SDK1: variants seen among roughly 807,000 people sequenced by gnomAD.
SDK1 encodes the protein protein sidekick-1.
A neutral mutation model predicts 245.5 loss-of-function variants in SDK1; 157 were observed. The observed-to-expected ratio is 0.64, with a 90% CI of 0.56 to 0.73. The LOEUF (loss-of-function observed/expected upper bound fraction) is 0.73, where lower values mean the gene tolerates loss of function less well. SDK1 is among the 30% of genes least tolerant of loss of function. The pLI is 0.00. For synonymous variants in SDK1, 1,647 were observed against 1,278.5 expected, an observed-to-expected ratio of 1.29 and a Z score of -6.15; for missense variants, 3,583 against 3,002.3, an observed-to-expected ratio of 1.19 and a Z score of -4.52.
chr7:4,260,366 C>T (rs1205595274), intron 44 of SDK1, among the ~76,000 whole-genome samples: 1 of 134,448 alleles, frequency 7.4e-6, no homozygotes, highest in Non-Finnish European at 1.6e-5. Flanking sequence ...ATGTGTTCAT[C>T]GTCACCTGAT....
rs1780658796 is a variant in SDK1, at chr7:3,585,556, C to A, written c.299-33524C>A. 1.3e-5 allele frequency among the ~76,000 whole-genome samples: 2 copies of A among 152,040 alleles called. 1 individual carries two copies. Among genetic ancestry groups the A allele is most frequent in the South Asian group, 4.2e-4 (2 of 4,816 alleles). ...GTGCCAGGGCACAAAGCTGCAAGAG[C>A]CCTGAAGAGGAAGAGGAAGAGGGTC... is the stretch of plus-strand genomic sequence containing the variant. On this transcript the variant is annotated intron_variant, in intron 1 of 44. Transcript: ENST00000404826.
intron 1 of SDK1, among the ~76,000 whole-genome samples, chr7:3,459,686 T>C (rs1780776679): frequency 6.6e-6 from 1 of 152,190 alleles, no homozygotes; most frequent in African/African-American, 2.4e-5. Flanking sequence ...CGCATATTGT[T>C]GGGAAGACCT....
intron 1 of SDK1, among the ~76,000 whole-genome samples, chr7:3,603,282 A>G (rs1486778868): frequency 3.4e-5 from 5 of 146,286 alleles, no homozygotes; most frequent in African/African-American, 1.3e-4. Flanking sequence ...CAGTATGGCC[A>G]TTTTCACGAT....
intron 11 of SDK1, among the ~76,000 whole-genome samples, chr7:3,970,088 G>C (rs1004353717): frequency 4.6e-5 from 7 of 152,154 alleles, no homozygotes; most frequent in Non-Finnish European, 7.3e-5. Flanking sequence ...AACTTCAATT[G>C]CCAATACACT....
intron 35 of SDK1, among the ~76,000 whole-genome samples, chr7:4,193,794 G>T (rs1339795563): frequency 6.6e-6 from 1 of 152,148 alleles, no homozygotes; most frequent in East Asian, 1.9e-4. Flanking sequence ...CTGGGAGACA[G>T]AATCCCTGAG....
chr7:4,122,525 G>C (rs1784134544), intron 25 of SDK1, among the ~76,000 whole-genome samples: 1 of 152,206 alleles, frequency 6.6e-6, no homozygotes, highest in South Asian at 2.1e-4. Flanking sequence ...ACACACAGCA[G>C]AATGCTCGGA....
intron 40 of SDK1, among the ~76,000 whole-genome samples, chr7:4,226,021 A>C (rs1785425198): frequency 6.6e-6 from 1 of 152,166 alleles, no homozygotes; most frequent in Admixed American, 6.5e-5. Context: ...GCTCAGGCAA[A>C]TGAAACGCTT....
chr7:3,546,275 C>CAGTG (rs59862931), intron 1 of SDK1, among the ~76,000 whole-genome samples: 2,191 of 152,280 alleles, frequency 0.014, 40 homozygotes, highest in African/African-American at 0.042. Flanking sequence ...GCACTGGAAA[C>CAGTG]AGAAAAGCAT....
chr7:4,017,146 G>A (rs764840186), intron 16 of SDK1, 25 bp from the exon 17 acceptor site: 34 of 1,584,596 alleles, frequency 2.1e-5, no homozygotes, highest in African/African-American at 2.7e-5. Flanking sequence ...TTTCCTTATC[G>A]TGATGGGCTT....
chr7:4,102,049 G>A (rs188300742), intron 22 of SDK1, among the ~76,000 whole-genome samples: 2 of 152,344 alleles, frequency 1.3e-5, no homozygotes, highest in African/African-American at 4.8e-5. Context: ...CGGAAAGACA[G>A]AAGTCCCCAG....
intron 16 of SDK1, 84 bp from the exon 17 acceptor site, chr7:4,017,087 C>T (rs1204770621): frequency 3.7e-6 from 5 of 1,348,016 alleles, no homozygotes; most frequent in Admixed American, 2.4e-5. Flanking sequence ...CCATTTCCCC[C>T]TAACCCTGCG....
chr7:3,898,674 C>A (rs1415961643), intron 5 of SDK1, among the ~76,000 whole-genome samples: 1 of 152,132 alleles, frequency 6.6e-6, no homozygotes, highest in African/African-American at 2.4e-5. Context: ...TCCGAATTAA[C>A]AAAAAGTTTG....
intron 1 of SDK1, among the ~76,000 whole-genome samples, chr7:3,336,980 G>T (rs769755975): frequency 6.6e-6 from 1 of 152,092 alleles, no homozygotes; most frequent in Non-Finnish European, 1.5e-5. Context: ...AATTTGATCT[G>T]GGGTCTCTTA....
rs764531507 is a variant in SDK1, at chr7:3,641,952, CT to C, written c.566-5del. On this transcript the variant is annotated splice_region_variant and splice_polypyrimidine_tract_variant and intron_variant, in intron 3 of 44. Coordinates refer to ENST00000404826, the MANE Select transcript of SDK1 (RefSeq NM_152744.4). ...AGAACTTGAAAGCACTTCTTTTTCTCTGCAGATATGGGAAGTTTCATGGATA... is the reference window on the plus strand; with the variant it reads ...AGAACTTGAAAGCACTTCTTTTTCTCGCAGATATGGGAAGTTTCATGGATA... The C allele has an allele frequency of 1.2e-6, 2 of 1,608,780 alleles. No homozygotes were observed.
intron 17 of SDK1, among the ~76,000 whole-genome samples, chr7:4,047,050 C>A (rs930305234): frequency 6.6e-6 from 1 of 152,112 alleles, no homozygotes; most frequent in African/African-American, 2.4e-5. Context: ...AGCTATTGCA[C>A]GTAGTTTGTT....
intron 44 of SDK1, among the ~76,000 whole-genome samples, chr7:4,253,855 A>G (rs1477826415): frequency 2.0e-5 from 3 of 152,082 alleles, no homozygotes; most frequent in Non-Finnish European, 4.4e-5. Flanking sequence ...ATTTTATCAG[A>G]TATTTGCTTT....
intron 4 of SDK1, among the ~76,000 whole-genome samples, chr7:3,722,879 G>C (rs1778863449): frequency 6.6e-6 from 1 of 152,160 alleles, no homozygotes; most frequent in South Asian, 2.1e-4. Context: ...CCTCTCTCAG[G>C]ACATATGCTT....
intron 25 of SDK1, among the ~76,000 whole-genome samples, chr7:4,119,396 C>T (rs1207980711): frequency 6.7e-6 from 1 of 148,256 alleles, no homozygotes; most frequent in East Asian, 1.9e-4. Context: ...TCGAGCCTGC[C>T]ATGAACTACG....
At chr7:4,231,573 CAA>C (rs35027378) in intron 40 of SDK1, among the ~76,000 whole-genome samples, 1 of 87,574 alleles carries the variant, frequency 1.1e-5, no homozygotes. Context: ...GGCCCGGTCT[CAA>C]AAAAAAAAAA....
Sources: gnomAD v4.1 joint callset for allele counts (sites outside exome capture counted in the v4.1 genomes callset) on GRCh38, gnomAD v4.1.1 for gene constraint, MANE v1.5 for transcripts, NCBI Gene and HGNC (gene_info 2026-07-23, HGNC 2026-07-21) for gene names.